Variants in IZUMO1R observed in about 807,000 individuals in gnomAD.
IZUMO1R encodes the protein IZUMO1 receptor, JUNO.
Under a neutral mutation model 22.1 loss-of-function variants are expected in IZUMO1R, and 24 were observed. The observed-to-expected ratio is 1.09, with a 90% CI of 0.79 to 1.53. The LOEUF (loss-of-function observed/expected upper bound fraction) is 1.53, where lower values mean the gene tolerates loss of function less well. IZUMO1R is among the 40% of genes most tolerant of loss of function. IZUMO1R has a pLI of 0.00. For missense variants in IZUMO1R, 308 were observed against 314.9 expected (o/e 0.98, Z 0.17); for synonymous variants, 133 against 121.2 (o/e 1.10, Z -0.64).
rs1447990011 is a variant in IZUMO1R, at chr11:94,305,612, A to G, written c.-6-19A>G. The G allele has an allele frequency of 6.2e-7, 1 of 1,611,468 alleles. No individual in the cohort carries two copies. The highest frequency in any genetic ancestry group is 1.3e-5 in the African/African-American group (1 of 74,916). On this transcript the variant is annotated intron_variant, in intron 1 of 4. Transcript: ENST00000687084. ...GGGGTGTCATTTCCATCAAGTGTGC[A>G]GCATGGGTCTCTCTGTAGCAGGCCA... is the stretch of plus-strand genomic sequence containing the variant.
At position 94,306,735 on chromosome 11, in the gene IZUMO1R, T is replaced by A. The variant is rs759271328; in HGVS notation, c.348+13T>A. ...CCTGGGGTGGGAGGTAGGAAGCAGA[T>A]CTGTGCCATGCCCTGTTATTATATT... On this transcript the variant is annotated intron_variant, in intron 3 of 4. Transcript: ENST00000687084. 1.2e-6 allele frequency: 2 copies of A among 1,612,564 alleles called. No individual in the cohort carries two copies. Among genetic ancestry groups the A allele is most frequent in the Admixed American group, 1.7e-5 (1 of 59,974 alleles).
intron 2 of IZUMO1R, 147 bp downstream of exon 2, chr11:94,305,921 C>A: frequency 1.1e-6 from 1 of 879,976 alleles, no homozygotes. Context: ...AGAGACTATG[C>A]CTTTTTGAGA....
chr11:94,305,764 T>C lies in IZUMO1R; in HGVS notation c.128T>C (p.Leu43Pro), dbSNP rs1944011964. ...AGAGTGCCCAGCCCAGAAGACAAGC[T>C]CTATGAGGAGGTACAGAGGCCAGAC... is the stretch of plus-strand genomic sequence containing the variant. ...HKRVPSPEDK[L>P]YEECIPWKDN... Residue 43 changes from leucine (L) to proline (P), a missense_variant, in exon 2 of 5, where the codon CTC (leucine) becomes CCC (proline). Transcript: ENST00000687084. 4 of 1,612,240 alleles carry C rather than the reference T, an allele frequency of 2.5e-6. No individual in the cohort carries two copies. The highest frequency in any genetic ancestry group is 3.4e-6 in the Non-Finnish European group (4 of 1,179,422).
At chr11:94,307,076 T>C in intron 3 of IZUMO1R, 89 bp from the exon 4 acceptor site, 6 of 1,409,382 alleles carry the variant, frequency 4.3e-6, no homozygotes, top group African/African-American at 1.4e-5. Flanking sequence ...GATGTACATA[T>C]GGTACCTGGT....
Position 94,306,727 on chromosome 11 carries a change from G to A in IZUMO1R, c.348+5G>A, listed in dbSNP as rs1037459346. ...GTGGGAAGCCTGGGGTGGGAGGTAG[G>A]AAGCAGATCTGTGCCATGCCCTGTT... is the stretch of plus-strand genomic sequence containing the variant. On this transcript the variant is annotated splice_donor_5th_base_variant and intron_variant, in intron 3 of 4. Transcript: ENST00000687084. 3 of 1,613,562 alleles carry A rather than the reference G, an allele frequency of 1.9e-6. No homozygotes were observed. Among genetic ancestry groups the A allele is most frequent in the Non-Finnish European group, 1.7e-6 (2 of 1,179,664 alleles).
chr11:94,307,521 C>CA lies in IZUMO1R; in HGVS notation c.585dup (p.Ala196SerfsTer4), dbSNP rs1461234677. The CA allele has an allele frequency of 5.0e-6, 8 of 1,613,738 alleles. No individual in the cohort carries two copies. The East Asian group carries it at 1.8e-4, about 36-fold the overall frequency. On this transcript the variant is annotated frameshift_variant, in exon 5 of 5. Transcript: ENST00000687084. LOFTEE classifies it low-confidence loss of function (END_TRUNC). Reference sequence around the variant, plus strand: ...GTGAGAAGACTTGGAGCAATTCCTTCAAAGCCAGCCCTGAGCGACGGAACA... The same window carrying CA: ...GTGAGAAGACTTGGAGCAATTCCTTCAAAAGCCAGCCCTGAGCGACGGAACA...
intron 2 of IZUMO1R, 111 bp from the exon 3 acceptor site, chr11:94,306,402 A>G (rs1944019262): frequency 3.1e-6 from 3 of 983,060 alleles, no homozygotes; most frequent in Non-Finnish European, 3.2e-6. Flanking sequence ...AAGGCATCCC[A>G]CTTGCTCAGG....
intron 4 of IZUMO1R, 62 bp downstream of exon 4, chr11:94,307,362 C>G: frequency 6.2e-7 from 1 of 1,611,540 alleles, no homozygotes; most frequent in Non-Finnish European, 8.5e-7. Flanking sequence ...CACAAGGGTG[C>G]AGGTGCAAAG....
Position 94,304,583 on chromosome 11 carries a change from G to T in IZUMO1R, c.-303G>T, listed in dbSNP as rs114320664. Among the ~76,000 whole-genome samples the T allele has an allele frequency of 5.2e-3, 789 of 152,286 alleles. 11 individuals are homozygous for T. Among genetic ancestry groups the T allele is most frequent in the African/African-American group, 0.017 (694 of 41,564 alleles). ...AATTTGAGTCATTTTCTCCAGGGCA[G>T]CCAGCTAGTAAGTAGCAGAGCTGAC... On this transcript the variant is annotated 5_prime_UTR_variant, in exon 1 of 5. Coordinates refer to ENST00000687084, the MANE Select transcript of IZUMO1R (RefSeq NM_001199206.4).
At chr11:94,305,583 G>A in intron 1 of IZUMO1R, 48 bp from the exon 2 acceptor site, 1 of 1,602,368 alleles carries the variant, frequency 6.2e-7, no homozygotes, top group Non-Finnish European at 8.5e-7. Context: ...GAAGGGGGTG[G>A]AGTGGGGTGT....
In IZUMO1R at chr11:94,307,168, G is replaced by T. The variant is rs185568824; in HGVS notation, c.352G>T (p.Ala118Ser). The change falls in exon 4 of 5, where the codon GCC becomes TCC. Residue 118 changes from alanine (A) to serine (S), a missense_variant. Ala to Ser is a moderately conservative substitution (Grantham distance 99). Transcript: ENST00000687084. ...QPVGSLGWEV[A>S]PSGQGERVVN... ...CTCTGGCTATGACTGCACCCAGGTG[G>T]CCCCGAGTGGGCAGGGAGAGCGAGT... 109 of 1,593,486 alleles carry T rather than the reference G, an allele frequency of 6.8e-5. No homozygotes were observed. The East Asian group carries it at 2.0e-3, about 30-fold the overall frequency.
chr11:94,307,647 C>T lies in IZUMO1R; in HGVS notation c.708C>T (p.Ser236=). 1 of 1,613,862 alleles carries T rather than the reference C, an allele frequency of 6.2e-7. No homozygotes were observed. Residue 236 remains serine (S), a synonymous_variant, in exon 5 of 5, where the codon TCC becomes TCT. Coordinates refer to ENST00000687084, the MANE Select transcript of IZUMO1R (RefSeq NM_001199206.4). ...GCTCTGCCCCATCCTGGGAACTGTC[C>T]TACACCATCATGGTCTGCTCCCTGT... The part of the protein sequence containing the change: ...FASSAPSWEL[S]YTIMVCSLFL...
rs534161661 is a variant in IZUMO1R, at chr11:94,304,710, C to A, written c.-176C>A. Among the ~76,000 whole-genome samples, 2 of 152,202 alleles carry A rather than the reference C, an allele frequency of 1.3e-5. No individual in the cohort carries two copies. Among genetic ancestry groups the A allele is most frequent in the South Asian group, 4.2e-4 (2 of 4,816 alleles). ...CCTCGGAACCCACAGGCCTGCAGAG[C>A]TGGGTGAGACAGATGCTGTTTAATG... On this transcript the variant is annotated 5_prime_UTR_variant, in exon 1 of 5. The change creates a new upstream start codon in the 5' untranslated region. Transcript: ENST00000687084.
At chr11:94,307,064 A>T (rs1440986556) in intron 3 of IZUMO1R, 101 bp from the exon 4 acceptor site, 10 of 1,323,580 alleles carry the variant, frequency 7.6e-6, no homozygotes, top group Non-Finnish European at 1.0e-5. Flanking sequence ...TTTATGGAAG[A>T]TGATGTACAT....
At position 94,307,888 on chromosome 11, in the gene IZUMO1R, G is replaced by C. The variant is rs1944041120; in HGVS notation, c.*196G>C. On this transcript the variant is annotated 3_prime_UTR_variant, in exon 5 of 5. Coordinates refer to ENST00000687084, the MANE Select transcript of IZUMO1R (RefSeq NM_001199206.4). ...AGGAAGTGCCCCTGAGGCTTCAGCG[G>C]CTGGTGCCTGCAACCTGCACATTTG... Among the ~76,000 whole-genome samples, 1 of 151,348 alleles carries C rather than the reference G, an allele frequency of 6.6e-6. No homozygotes were observed. Among genetic ancestry groups the C allele is most frequent in the Admixed American group, 6.6e-5 (1 of 15,234 alleles).
chr11:94,307,802 T>A lies in IZUMO1R; in HGVS notation c.*110T>A. 1.0e-6 allele frequency: 1 copy of A among 964,570 alleles called. No individual in the cohort carries two copies. The highest frequency in any genetic ancestry group is 1.5e-6 in the Non-Finnish European group (1 of 682,214). The allele number at this position is 964,570 out of a possible 1,614,324, so 59.8% of individuals were successfully genotyped here. ...CTCCCCTAAAAGCAGTGGCATGGGC[T>A]AGGGACTGCAGTCCCACCCAGTCTA... On this transcript the variant is annotated 3_prime_UTR_variant, in exon 5 of 5. Transcript: ENST00000687084.
intron 2 of IZUMO1R, 40 bp downstream of exon 2, chr11:94,305,814 G>A (rs1181522790): frequency 1.9e-6 from 3 of 1,604,916 alleles, no homozygotes; most frequent in Admixed American, 3.4e-5. Flanking sequence ...GGGAAGATCA[G>A]GGAAGGGACA....
chr11:94,308,132 C>T lies in IZUMO1R; in HGVS notation c.*440C>T, dbSNP rs1944043919. On this transcript the variant is annotated 3_prime_UTR_variant, in exon 5 of 5. Coordinates refer to ENST00000687084, the MANE Select transcript of IZUMO1R (RefSeq NM_001199206.4). ...TCCTCCGACGGTGTCTTCAATAAATCGGCACTCAACCTCTCCTCTGCTTGA... is the reference window on the plus strand; with the variant it reads ...TCCTCCGACGGTGTCTTCAATAAATTGGCACTCAACCTCTCCTCTGCTTGA... Among the ~76,000 whole-genome samples, 1 of 151,850 alleles carries T rather than the reference C, an allele frequency of 6.6e-6. No individual in the cohort carries two copies. The highest frequency in any genetic ancestry group is 1.5e-5 in the Non-Finnish European group (1 of 67,978).
At chr11:94,306,347 T>C (rs1944018638) in intron 2 of IZUMO1R, among the ~76,000 whole-genome samples, 166 bp from the exon 3 acceptor site, 1 of 152,068 alleles carries the variant, frequency 6.6e-6, no homozygotes, top group Non-Finnish European at 1.5e-5. Context: ...TGGGTAAATA[T>C]TGAGAGATTA....
Sources: allele counts gnomAD v4.1 joint callset (sites outside exome capture counted in the v4.1 genomes callset), GRCh38; gene constraint gnomAD v4.1.1; transcripts MANE v1.5; gene names NCBI Gene and HGNC (gene_info 2026-07-23, HGNC 2026-07-21).